Variants in SYTL2 observed in about 807,000 individuals in gnomAD.
SYTL2 encodes synaptotagmin-like protein 2.
A neutral mutation model predicts 198.7 loss-of-function variants in SYTL2; 165 were observed. The observed-to-expected ratio is 0.83, with a 90% CI of 0.73 to 0.94. The LOEUF (loss-of-function observed/expected upper bound fraction) is 0.94, where lower values mean the gene tolerates loss of function less well. Among genes scored for constraint, SYTL2 ranks in the 40% least tolerant of loss-of-function variants. The probability of loss-of-function intolerance (pLI) is 0.00; values close to 1 mark genes in which losing one functional copy is unlikely to be tolerated. For missense variants in SYTL2, 2,835 were observed against 2,582.8 expected (o/e 1.10, Z -2.12); for synonymous variants, 966 against 917.7 (o/e 1.05, Z -0.95).
chr11:85,782,657 A>G (rs1325467645), intron 1 of SYTL2, among the ~76,000 whole-genome samples: 1 of 152,250 alleles, frequency 6.6e-6, no homozygotes, highest in African/African-American at 2.4e-5. Context: ...GAATGCTTTT[A>G]ACAGCATTCA....
At chr11:85,770,304 C>T (rs2092329218) in intron 1 of SYTL2, among the ~76,000 whole-genome samples, 1 of 152,134 alleles carries the variant, frequency 6.6e-6, no homozygotes, top group Admixed American at 6.5e-5. Flanking sequence ...GTGCAATCTC[C>T]CTCCAGTACA....
Position 85,725,240 on chromosome 11 carries a change from G to T in SYTL2, c.4118C>A (p.Ala1373Glu). 6.2e-7 allele frequency: 1 copy of T among 1,614,112 alleles called. No individual in the cohort carries two copies. Among genetic ancestry groups the T allele is most frequent in the Non-Finnish European group, 8.5e-7 (1 of 1,180,002 alleles). ...PRPVLNDVSA[A>E]LQKLCGEVWL... ...TACTTCTCCACACAGCTTCTGTAAT[G>T]CAGCACTTACATCATTCAATACAGG... Residue 1373 changes from alanine to glutamate, a missense_variant, in exon 8 of 20, where the codon GCA (alanine) becomes GAA (glutamate). Coordinates refer to ENST00000359152, the MANE Select transcript of SYTL2 (RefSeq NM_206927.4).
chr11:85,725,328 T>A lies in SYTL2; in HGVS notation c.4030A>T (p.Arg1344Trp). The A allele has an allele frequency of 6.2e-7, 1 of 1,614,020 alleles. No homozygotes were observed. The highest frequency in any genetic ancestry group is 1.1e-5 in the South Asian group (1 of 91,076). The stretch of plus-strand genomic sequence containing the variant: ...ATTTCCGTTTGAGAAGGGTGTACCC[T>A]AGCCTGGGGAACAAGATGAGCATCC... Reference protein sequence around the residue: ...PQDAHLVPQARVHPSQTEISE... With the variant: ...PQDAHLVPQAWVHPSQTEISE... The change falls in exon 8 of 20, where the codon AGG becomes TGG. Residue 1344 changes from arginine to tryptophan, a missense_variant. Physicochemically the swap from Arg to Trp is moderately radical, Grantham distance 101. Transcript: ENST00000359152.
At chr11:85,753,332 G>A (rs2091660757) in intron 2 of SYTL2, among the ~76,000 whole-genome samples, 1 of 152,128 alleles carries the variant, frequency 6.6e-6, no homozygotes, top group Admixed American at 6.5e-5. Context: ...GTCTCCACAT[G>A]GGAGTTAGGG....
At chr11:85,719,000 G>C (rs2087829217) in intron 9 of SYTL2, 157 bp from the exon 10 acceptor site, 4 of 1,530,372 alleles carry the variant, frequency 2.6e-6, no homozygotes, top group Non-Finnish European at 3.5e-6. Context: ...TTTCTCTTTA[G>C]ATTAGCTCCT....
chr11:85,840,606 T>C, the SYTL2 span, among the ~76,000 whole-genome samples: 5 of 151,986 alleles, frequency 3.3e-5, no homozygotes, highest in African/African-American at 1.2e-4. Flanking sequence ...GTAACAAAGG[T>C]GACAATAACC....
intron 1 of SYTL2, among the ~76,000 whole-genome samples, chr11:85,805,568 T>C (rs938989172): frequency 1.3e-5 from 2 of 152,134 alleles, no homozygotes; most frequent in African/African-American, 4.8e-5. Flanking sequence ...CCCTGTGTTT[T>C]AATCAAGTGA....
chr11:85,698,872 T>C (rs1172036706), intron 17 of SYTL2, among the ~76,000 whole-genome samples: 2 of 152,234 alleles, frequency 1.3e-5, no homozygotes, highest in Non-Finnish European at 2.9e-5. Flanking sequence ...GGATACTGTA[T>C]GTACATACGT....
chr11:85,706,079 T>C (rs2085098261), intron 15 of SYTL2, among the ~76,000 whole-genome samples: 1 of 152,210 alleles, frequency 6.6e-6, no homozygotes, highest in Non-Finnish European at 1.5e-5. Context: ...AGAAAAAGAA[T>C]ATGAGCCAAG....
upstream of SYTL2, among the ~76,000 whole-genome samples, chr11:85,812,348 C>T (rs955432923): frequency 6.6e-6 from 1 of 152,128 alleles, no homozygotes; most frequent in African/African-American, 2.4e-5. Flanking sequence ...CAGTTAGTGC[C>T]CAGTGCAGGC....
chr11:85,725,819 G>GT lies in SYTL2; in HGVS notation c.3538dup (p.Thr1180AsnfsTer2). The GT allele has an allele frequency of 6.2e-7, 1 of 1,614,024 alleles. No homozygotes were observed. The highest frequency in any genetic ancestry group is 8.5e-7 in the Non-Finnish European group (1 of 1,179,938). On this transcript the variant is annotated frameshift_variant, in exon 8 of 20. Coordinates refer to ENST00000359152, the MANE Select transcript of SYTL2 (RefSeq NM_206927.4). LOFTEE classifies it high-confidence loss of function. The stretch of plus-strand genomic sequence containing the variant: ...CTCAGGTCCTTTGACTTCTTCCTCA[G>GT]TATCAGCAAAATCTGTTTTTTGAGG...
At chr11:85,814,556 T>C (rs1267622542), upstream of SYTL2, among the ~76,000 whole-genome samples, 4 of 152,194 alleles carry the variant, frequency 2.6e-5, no homozygotes, top group Non-Finnish European at 4.4e-5. Context: ...TGTAGCTCTA[T>C]GGAACTGAAC....
At chr11:85,847,949 G>A in the SYTL2 span, among the ~76,000 whole-genome samples, 1 of 152,144 alleles carries the variant, frequency 6.6e-6, no homozygotes, top group African/African-American at 2.4e-5. Context: ...AGAACAGCCT[G>A]GGCATGGTGG....
At chr11:85,843,972 A>G in the SYTL2 span, among the ~76,000 whole-genome samples, 1 of 152,214 alleles carries the variant, frequency 6.6e-6, no homozygotes, top group Non-Finnish European at 1.5e-5. Flanking sequence ...TACAGAAAGT[A>G]TATCTCTCAG....
rs1237175699 is a variant in SYTL2, at chr11:85,727,090, A to G, written c.2268T>C (p.Pro756=). 1 of 1,535,842 alleles carries G rather than the reference A, an allele frequency of 6.5e-7. No homozygotes were observed. The highest frequency in any genetic ancestry group is 8.7e-7 in the Non-Finnish European group (1 of 1,146,846). Residue 756 remains proline, a synonymous_variant, in exon 8 of 20, where the codon CCT becomes CCC. Transcript: ENST00000359152. ...AAGGAGAGCCATTGTTGGCAACCCC[A>G]GGTGTTGACTTAATATTCTCTGGCT... is the stretch of plus-strand genomic sequence containing the variant. ...SLEPENIKST[P]GVANNGSPWK... is the part of the protein sequence containing the mutation.
the SYTL2 span, among the ~76,000 whole-genome samples, chr11:85,844,806 C>T: frequency 6.6e-6 from 1 of 151,954 alleles, no homozygotes; most frequent in Non-Finnish European, 1.5e-5. Context: ...TCCCAGCCTC[C>T]TCTACACTTG....
At chr11:85,788,177 A>G (rs561990601) in intron 1 of SYTL2, among the ~76,000 whole-genome samples, 2 of 152,112 alleles carry the variant, frequency 1.3e-5, no homozygotes, top group East Asian at 3.9e-4. Flanking sequence ...TGCATTTTGA[A>G]CCCTAACTAT....
At chr11:85,769,703 A>C (rs768583259) in intron 1 of SYTL2, among the ~76,000 whole-genome samples, 4 of 152,188 alleles carry the variant, frequency 2.6e-5, no homozygotes, top group Non-Finnish European at 5.9e-5. Context: ...ACCCAGTTTA[A>C]GAGGCTGAAG....
intron 1 of SYTL2, among the ~76,000 whole-genome samples, chr11:85,765,145 A>C (rs1465200170): frequency 6.6e-6 from 1 of 152,256 alleles, no homozygotes; most frequent in African/African-American, 2.4e-5. Flanking sequence ...AAAAAATAAT[A>C]GTTGAATGAA....
Sources: allele counts gnomAD v4.1 joint callset (sites outside exome capture counted in the v4.1 genomes callset), GRCh38; gene constraint gnomAD v4.1.1; transcripts MANE v1.5; gene names NCBI Gene and HGNC (gene_info 2026-07-23, HGNC 2026-07-21).